Variants in KDM5A observed in about 807,000 individuals in gnomAD.
KDM5A encodes the protein lysine-specific demethylase 5A.
In KDM5A, 42 loss-of-function variants were observed where a neutral mutation model predicts 193.5. The observed-to-expected ratio is 0.22, with a 90% CI of 0.17 to 0.28. The LOEUF (loss-of-function observed/expected upper bound fraction) is 0.28, where lower values mean the gene tolerates loss of function less well. Among genes scored for constraint, KDM5A ranks in the 10% least tolerant of loss-of-function variants. The pLI is 1.00. For synonymous variants in KDM5A, 796 were observed against 718.1 expected, an observed-to-expected ratio of 1.11 and a Z score of -1.73; for missense variants, 1,692 against 2,055.1, an observed-to-expected ratio of 0.82 and a Z score of 3.42.
intron 5 of KDM5A, among the ~76,000 whole-genome samples, chr12:361,794 G>A (rs886308534): frequency 4.6e-5 from 7 of 152,150 alleles, no homozygotes; most frequent in African/African-American, 1.4e-4. Context: ...ACTTTCCAAT[G>A]AATTTCCATG....
chr12:323,500 G>A, intron 15 of KDM5A, 100 bp downstream of exon 15: 1 of 1,236,944 alleles, frequency 8.1e-7, no homozygotes, highest in Non-Finnish European at 1.2e-6. Flanking sequence ...AAGTTTAGAA[G>A]TCCAGAGTAA....
intron 5 of KDM5A, among the ~76,000 whole-genome samples, chr12:361,544 T>A (rs552657063): frequency 6.6e-6 from 1 of 152,158 alleles, no homozygotes; most frequent in East Asian, 1.9e-4. Context: ...AGGCAAGACA[T>A]CTTCATGGTT....
chr12:321,745 A>G (rs553646826), intron 17 of KDM5A, among the ~76,000 whole-genome samples: 4 of 152,234 alleles, frequency 2.6e-5, no homozygotes, highest in Non-Finnish European at 5.9e-5. Flanking sequence ...GAATTCTATT[A>G]TATCAAGGGT....
chr12:388,696 G>A (rs181847507), intron 1 of KDM5A, among the ~76,000 whole-genome samples: 1 of 152,354 alleles, frequency 6.6e-6, no homozygotes. Context: ...AAAAGTATCA[G>A]TTCCCAAGTT....
chr12:319,532 C>T (rs1943690944), intron 18 of KDM5A, among the ~76,000 whole-genome samples: 1 of 152,114 alleles, frequency 6.6e-6, no homozygotes, highest in South Asian at 2.1e-4. Context: ...AAGTGGATCG[C>T]TTGAGCTCAG....
intron 7 of KDM5A, among the ~76,000 whole-genome samples, chr12:354,948 A>AT (rs140969031): frequency 0.02 from 3,043 of 152,330 alleles, 83 homozygotes; most frequent in African/African-American, 0.069. Context: ...TTGGTTCCCC[A>AT]TAAGGTGTAT....
rs559774188 is a variant in KDM5A, at chr12:341,874, G to A, written c.1309-7452C>T. On this transcript the variant is annotated intron_variant, in intron 10 of 27. Coordinates refer to ENST00000399788, the MANE Select transcript of KDM5A (RefSeq NM_001042603.3). ...AAGATGGTGCCACTGTACTCCAGCC[G>A]GGCAACAGGGCAAGACTCTGTCTCC... is the stretch of plus-strand genomic sequence containing the variant. Among the ~76,000 whole-genome samples the A allele has an allele frequency of 2.3e-3, 341 of 150,832 alleles. 2 individuals are homozygous for A. The highest frequency in any genetic ancestry group is 7.0e-3 in the African/African-American group (289 of 41,080).
At chr12:325,435 C>T (rs1943769985) in intron 14 of KDM5A, among the ~76,000 whole-genome samples, 1 of 152,124 alleles carries the variant, frequency 6.6e-6, no homozygotes, top group East Asian at 1.9e-4. Context: ...GTAATCCCAC[C>T]ACTTTGGGAG....
intron 3 of KDM5A, among the ~76,000 whole-genome samples, chr12:375,955 G>A (rs1394971505): frequency 6.6e-6 from 1 of 152,216 alleles, no homozygotes; most frequent in Non-Finnish European, 1.5e-5. Flanking sequence ...TGTCTCAGAG[G>A]GATACCCGGC....
chr12:330,058 T>C (rs1943842987), intron 13 of KDM5A, among the ~76,000 whole-genome samples: 1 of 117,430 alleles, frequency 8.5e-6, no homozygotes, highest in Non-Finnish European at 1.7e-5. Context: ...GGAAAAAGTG[T>C]GTGTGTGTGT....
intron 10 of KDM5A, among the ~76,000 whole-genome samples, chr12:348,962 A>C (rs1281265243): frequency 7.0e-6 from 1 of 142,838 alleles, no homozygotes; most frequent in Non-Finnish European, 1.6e-5. Flanking sequence ...TTATAGGGGG[A>C]AAAAACACGC....
chr12:323,640 T>A lies in KDM5A; in HGVS notation c.2110A>T (p.Thr704Ser). The change falls in exon 15 of 28, where the codon ACT becomes TCT. Residue 704 changes from threonine (T) to serine (S), a missense_variant. Coordinates refer to ENST00000399788, the MANE Select transcript of KDM5A (RefSeq NM_001042603.3). The stretch of plus-strand genomic sequence containing the variant: ...TGCATGGGGCAGGGGCACAGATCAG[T>A]TGGATGGTAGAGACATACAAGCCGC... ...PERLVCLYHP[T>S]DLCPCPMQKK... 6.2e-7 allele frequency: 1 copy of A among 1,614,140 alleles called. No homozygotes were observed.
In KDM5A at chr12:384,097, A is replaced by G; in HGVS notation, c.300T>C (p.Leu100=). The change falls in exon 3 of 28, where the codon CTT becomes CTC. Residue 100 remains leucine (L), a synonymous_variant. Coordinates refer to ENST00000399788, the MANE Select transcript of KDM5A (RefSeq NM_001042603.3). ...FLDQLAKFWE[L]QGSTLKIPVV... is the part of the protein sequence containing the mutation. ...CAGGGATCTTCAGAGTAGATCCTTG[A>G]AGTTCCCAAAATTTTGCTAGTTGAT... The G allele has an allele frequency of 6.2e-7, 1 of 1,610,482 alleles. No homozygotes were observed. The highest frequency in any genetic ancestry group is 8.5e-7 in the Non-Finnish European group (1 of 1,176,644).
rs1449339051 is a variant in KDM5A at position 289,902 on chromosome 12, TCTTTC to T, written c.4866+2852_4866+2856del. On this transcript the variant is annotated intron_variant, in intron 27 of 27. Coordinates refer to ENST00000399788, the MANE Select transcript of KDM5A (RefSeq NM_001042603.3). ...GGGCTAAAAAGCATGATTTTTTCTT[TCTTTC>T]TTTTTTTTTTTTTTTTTTTTTTTAC... is the stretch of plus-strand genomic sequence containing the variant. Among the ~76,000 whole-genome samples the T allele has an allele frequency of 3.6e-5, 5 of 140,720 alleles. No homozygotes were observed. In the South Asian group the frequency reaches 1.1e-3, roughly 31 times the overall value. 92.3% of individuals were successfully genotyped at this position (140,720 alleles called of 152,430 possible).
intron 10 of KDM5A, among the ~76,000 whole-genome samples, chr12:337,193 A>G (rs1235287438): frequency 6.6e-6 from 1 of 152,198 alleles, no homozygotes; most frequent in African/African-American, 2.4e-5. Flanking sequence ...ACCTTCTGCC[A>G]TAATTGAAAG....
rs139671588 is a variant in KDM5A, at chr12:351,422, G to A, written c.1150-643C>T. Among the ~76,000 whole-genome samples, 451 of 152,208 alleles carry A rather than the reference G, an allele frequency of 3.0e-3. 1 individual carries two copies. Among genetic ancestry groups the A allele is most frequent in the African/African-American group, 0.01 (430 of 41,534 alleles). ...TTTTATGACTGCATAGTATTCCATG[G>A]TATATATGTGCCACATTTTCTTCAT... On this transcript the variant is annotated intron_variant, in intron 9 of 27. Coordinates refer to ENST00000399788, the MANE Select transcript of KDM5A (RefSeq NM_001042603.3).
intron 3 of KDM5A, among the ~76,000 whole-genome samples, chr12:381,484 C>T (rs1364388367): frequency 1.3e-5 from 2 of 152,130 alleles, no homozygotes; most frequent in African/African-American, 4.8e-5. Context: ...CAGCATCATA[C>T]AGCAAAACTT....
chr12:284,633 CT>C lies in KDM5A; in HGVS notation c.*822del. 4.4e-6 allele frequency: 1 copy of C among 229,454 alleles called. No homozygotes were observed. Among genetic ancestry groups the C allele is most frequent in the East Asian group, 6.2e-5 (1 of 16,116 alleles). The allele number at this position is 229,454 out of a possible 1,614,324, so 14.2% of individuals were successfully genotyped here. A position where few individuals can be genotyped will look rare whatever the true frequency, so the allele number is the denominator to read the frequency against. The stretch of plus-strand genomic sequence containing the variant: ...TACGACTGGTCATCATCGTCATCTT[CT>C]TCTCTTTTTTTTTTTGGCAGAAGCC... On this transcript the variant is annotated 3_prime_UTR_variant, in exon 28 of 28. Transcript: ENST00000399788.
At chr12:385,007 C>A (rs1409177034) in intron 2 of KDM5A, among the ~76,000 whole-genome samples, 2 of 151,890 alleles carry the variant, frequency 1.3e-5, no homozygotes, top group Admixed American at 6.6e-5. Context: ...CTGGCCAACA[C>A]GGCAAAACTC....
Sources: allele counts gnomAD v4.1 joint callset (sites outside exome capture counted in the v4.1 genomes callset), GRCh38; gene constraint gnomAD v4.1.1; transcripts MANE v1.5; gene names NCBI Gene and HGNC (gene_info 2026-07-23, HGNC 2026-07-21).